Variants in HSD17B2 observed in about 807,000 individuals in gnomAD.
HSD17B2 encodes 17-beta-hydroxysteroid dehydrogenase type 2.
A neutral mutation model predicts 26.9 loss-of-function variants in HSD17B2; 32 were observed. That is an observed-to-expected ratio of 1.19 (90% CI 0.90 to 1.60). The LOEUF (loss-of-function observed/expected upper bound fraction) is 1.60. Ranked by LOEUF, HSD17B2 falls within the 40% of genes most tolerant of loss-of-function variation. The pLI, the probability that HSD17B2 is intolerant of heterozygous loss-of-function variation, is 0.00. For missense variants in HSD17B2, 613 were observed against 468.6 expected (o/e 1.31, Z -2.85); for synonymous variants, 246 against 186.7 (o/e 1.32, Z -2.59).
intron 3 of HSD17B2, among the ~76,000 whole-genome samples, chr16:82,072,908 A>C (rs541013746): frequency 2.6e-4 from 40 of 152,294 alleles, no homozygotes; most frequent in Admixed American, 2.2e-3. Flanking sequence ...AATTAAGAAA[A>C]AAACAAACAA....
chr16:82,046,986 G>A (rs1211292751), intron 1 of HSD17B2, among the ~76,000 whole-genome samples: 1 of 152,216 alleles, frequency 6.6e-6, no homozygotes, highest in Admixed American at 6.5e-5. Context: ...GGTATTGGCT[G>A]CCATCTTTTT....
intron 3 of HSD17B2, among the ~76,000 whole-genome samples, chr16:82,080,019 G>C (rs1453847300): frequency 6.6e-6 from 1 of 152,166 alleles, no homozygotes; most frequent in Non-Finnish European, 1.5e-5. Flanking sequence ...AGATTGTCTT[G>C]AGTCTGGCAC....
intron 1 of HSD17B2, among the ~76,000 whole-genome samples, chr16:82,059,625 T>C (rs530805830): frequency 7.1e-4 from 108 of 152,220 alleles, no homozygotes; most frequent in African/African-American, 2.5e-3. Context: ...GGTGGGTGTT[T>C]TTAGGACCTA....
At chr16:82,091,570 T>C (rs1904695503) in intron 4 of HSD17B2, 1 of 166,268 alleles carries the variant, frequency 6.0e-6, no homozygotes, top group African/African-American at 2.4e-5. Flanking sequence ...CTCTCAGGGA[T>C]GTCTTGGATA....
At chr16:82,052,382 C>G (rs1223600563) in intron 1 of HSD17B2, 1 of 152,222 alleles carries the variant, frequency 6.6e-6, no homozygotes, top group East Asian at 1.9e-4. Flanking sequence ...ACCCAGGGAA[C>G]TGAGTATGGG....
At chr16:82,092,113 G>C (rs1904711433) in intron 4 of HSD17B2, 1 of 152,100 alleles carries the variant, frequency 6.6e-6, no homozygotes, top group Non-Finnish European at 1.5e-5. Flanking sequence ...TCTTTATTTG[G>C]CTTCAGAGCT....
intron 3 of HSD17B2, among the ~76,000 whole-genome samples, chr16:82,087,574 A>T (rs1482433457): frequency 2.0e-5 from 3 of 152,254 alleles, no homozygotes; most frequent in Non-Finnish European, 4.4e-5. Context: ...AATGAGTCTT[A>T]AATGTTTGAT....
chr16:82,090,893 T>C lies in HSD17B2; in HGVS notation c.665-9T>C, dbSNP rs774204033. 1 of 1,598,798 alleles carries C rather than the reference T, an allele frequency of 6.3e-7. No individual in the cohort carries two copies. Among genetic ancestry groups the C allele is most frequent in the Non-Finnish European group, 8.5e-7 (1 of 1,174,356 alleles). ...AACTTTGCTTCTTTTTCTCCCATTA[T>C]TCCCATAGGAGGGGCCCCAATGGAA... is the stretch of plus-strand genomic sequence containing the variant. On this transcript the variant is annotated splice_polypyrimidine_tract_variant and intron_variant, in intron 3 of 4. Coordinates refer to ENST00000199936, the MANE Select transcript of HSD17B2 (RefSeq NM_002153.3).
rs528228796 is a variant in HSD17B2 at position 82,096,980 on chromosome 16, T to G, written c.803-1095T>G. The G allele has an allele frequency of 4.6e-5, 7 of 152,154 alleles. No homozygotes were observed. The South Asian group carries it at 1.5e-3, about 32-fold the overall frequency. The allele number at this position is 152,154 out of a possible 1,614,324, so 9.4% of individuals were successfully genotyped here. A position where few individuals can be genotyped will look rare whatever the true frequency, so the allele number is the denominator to read the frequency against. ...TGAGAAGTGGGCTGAAAGGAGAGAT[T>G]TTAAGGCTGGTCCTGTTCTGTTTTG... On this transcript the variant is annotated intron_variant, in intron 4 of 4. Transcript: ENST00000199936.
intron 2 of HSD17B2, among the ~76,000 whole-genome samples, chr16:82,070,125 G>C (rs1015284074): frequency 1.3e-5 from 2 of 152,088 alleles, no homozygotes; most frequent in Admixed American, 1.3e-4. Context: ...ACTTCAACAT[G>C]TCAAATGTTG....
intron 3 of HSD17B2, among the ~76,000 whole-genome samples, chr16:82,088,683 G>C (rs1904597113): frequency 6.6e-6 from 1 of 152,202 alleles, no homozygotes; most frequent in African/African-American, 2.4e-5. Context: ...TAATAGAAAG[G>C]AGTTGGATTT....
chr16:82,079,882 T>A lies in HSD17B2; in HGVS notation c.664+8755T>A, dbSNP rs72563797. ...TGGCAAAATCAATGTAATAGTAACTTTGGAAACATGCTTATCTGGGAGTTC... is the reference window on the plus strand; with the variant it reads ...TGGCAAAATCAATGTAATAGTAACTATGGAAACATGCTTATCTGGGAGTTC... On this transcript the variant is annotated intron_variant, in intron 3 of 4. Transcript: ENST00000199936. Among the ~76,000 whole-genome samples the A allele has an allele frequency of 5.2e-3, 790 of 152,294 alleles. 4 individuals carry two copies. The highest frequency in any genetic ancestry group is 9.0e-3 in the Non-Finnish European group (615 of 68,016).
Position 82,098,530 on chromosome 16 carries a change from C to T in HSD17B2, c.*94C>T. ...TTTCTCATTAAAGTTGTTTCCCACT[C>T]TGTATTCTCTGTGAAATTCATTGAT... On this transcript the variant is annotated 3_prime_UTR_variant, in exon 5 of 5. Transcript: ENST00000199936. 7.6e-7 allele frequency: 1 copy of T among 1,319,088 alleles called. No homozygotes were observed. Among genetic ancestry groups the T allele is most frequent in the Non-Finnish European group, 1.0e-6 (1 of 967,842 alleles). 81.7% of individuals were successfully genotyped at this position (1,319,088 alleles called of 1,614,324 possible).
intron 1 of HSD17B2, among the ~76,000 whole-genome samples, chr16:82,062,895 C>G (rs904799513): frequency 2.0e-5 from 3 of 152,236 alleles, no homozygotes; most frequent in African/African-American, 7.2e-5. Context: ...TCAAGGCCCT[C>G]TGACCCCTGA....
rs1428556085 is a variant in HSD17B2, at chr16:82,068,392, C to T, written c.478+10C>T. 3 of 1,603,064 alleles carry T rather than the reference C, an allele frequency of 1.9e-6. No individual in the cohort carries two copies. Among genetic ancestry groups the T allele is most frequent in the Non-Finnish European group, 2.6e-6 (3 of 1,174,890 alleles). On this transcript the variant is annotated intron_variant, in intron 2 of 4. Coordinates refer to ENST00000199936, the MANE Select transcript of HSD17B2 (RefSeq NM_002153.3). Reference sequence around the variant, plus strand: ...ATGCTGCAGGACAGAGGTACTGCCGCCAGCACCCTCAGTGCCTTTACCCTC... The same window carrying T: ...ATGCTGCAGGACAGAGGTACTGCCGTCAGCACCCTCAGTGCCTTTACCCTC...
intron 1 of HSD17B2, among the ~76,000 whole-genome samples, chr16:82,059,896 A>C (rs146677231): frequency 1.3e-3 from 196 of 152,324 alleles, no homozygotes; most frequent in Admixed American, 2.6e-3. Context: ...GTTATGTTCC[A>C]AGAAAAATGC....
intron 1 of HSD17B2, among the ~76,000 whole-genome samples, chr16:82,053,862 A>C (rs1489197247): frequency 6.6e-6 from 1 of 152,224 alleles, no homozygotes; most frequent in Non-Finnish European, 1.5e-5. Flanking sequence ...TGTATTATGT[A>C]AAGAAGTTCT....
chr16:82,082,506 T>A lies in HSD17B2; in HGVS notation c.665-8396T>A, dbSNP rs548325702. Among the ~76,000 whole-genome samples the A allele has an allele frequency of 2.6e-5, 4 of 152,208 alleles. No homozygotes were observed. The South Asian group carries it at 8.3e-4, about 31-fold the overall frequency. ...TTGACTATTATGAATAATGCTTCTC[T>A]GAATATTTTTTGTACAAGCTTTTGT... On this transcript the variant is annotated intron_variant, in intron 3 of 4. Transcript: ENST00000199936.
In HSD17B2 at chr16:82,098,276, T is replaced by C. The variant is rs751133342; in HGVS notation, c.1004T>C (p.Phe335Ser). 3.1e-6 allele frequency: 5 copies of C among 1,614,214 alleles called. No individual in the cohort carries two copies. Among genetic ancestry groups the C allele is most frequent in the African/African-American group, 2.7e-5 (2 of 75,064 alleles). The change falls in exon 5 of 5, where the codon TTT becomes TCT. Residue 335 changes from phenylalanine to serine, a missense_variant. Phe to Ser is a radical substitution (Grantham distance 155). Coordinates refer to ENST00000199936, the MANE Select transcript of HSD17B2 (RefSeq NM_002153.3). ...IQHAILAKSP[F>S]AYYTPGKGAY... ...CATGCTATCTTGGCGAAGAGCCCTT[T>C]TGCCTATTACACGCCAGGGAAAGGC...
Sources: allele counts gnomAD v4.1 joint callset (sites outside exome capture counted in the v4.1 genomes callset), GRCh38; gene constraint gnomAD v4.1.1; transcripts MANE v1.5; gene names NCBI Gene and HGNC (gene_info 2026-07-23, HGNC 2026-07-21).